PTPRO: variants seen among roughly 807,000 people sequenced by gnomAD.
PTPRO encodes the protein protein tyrosine phosphatase receptor type O.
PTPRO carries 62 observed loss-of-function variants against 145.2 expected under a neutral mutation model. That is an observed-to-expected ratio of 0.43 (90% confidence interval 0.35 to 0.53). The LOEUF (loss-of-function observed/expected upper bound fraction) is 0.53. Ranked by LOEUF, PTPRO falls within the 20% of genes least tolerant of loss-of-function variation. PTPRO has a pLI of 0.01. For synonymous variants in PTPRO, 565 were observed against 514.7 expected (o/e 1.10, Z -1.32); for missense variants, 1,345 against 1,482.7 (o/e 0.91, Z 1.53).
chr12:15,586,018 G>A (rs758006695), intron 23 of PTPRO, among the ~76,000 whole-genome samples: 2 of 152,152 alleles, frequency 1.3e-5, no homozygotes, highest in Admixed American at 1.3e-4. Context: ...GCTGGATGAC[G>A]GTGAGTGATG....
At chr12:15,514,749 T>C (rs1234135903) in intron 7 of PTPRO, among the ~76,000 whole-genome samples, 1 of 151,900 alleles carries the variant, frequency 6.6e-6, no homozygotes, top group African/African-American at 2.4e-5. Context: ...TATTTATTTA[T>C]TTATTTTATT....
At chr12:15,441,283 A>T (rs892768543) in intron 1 of PTPRO, among the ~76,000 whole-genome samples, 2 of 152,258 alleles carry the variant, frequency 1.3e-5, no homozygotes, top group African/African-American at 4.8e-5. Flanking sequence ...TCAAGGCAGA[A>T]ATTTAAAAAT....
chr12:15,416,783 T>C (rs912974208), intron 1 of PTPRO, among the ~76,000 whole-genome samples: 1 of 151,194 alleles, frequency 6.6e-6, no homozygotes, highest in African/African-American at 2.5e-5. Context: ...TTGTGCAGTT[T>C]TTTTTCTCTA....
At chr12:15,413,858 C>CT (rs1939870651) in intron 1 of PTPRO, among the ~76,000 whole-genome samples, 1 of 151,952 alleles carries the variant, frequency 6.6e-6, no homozygotes, top group South Asian at 2.1e-4. Flanking sequence ...AAGATTGAGA[C>CT]TTTTTTAAGG....
At chr12:15,405,439 AATCAGAAACTCTAATTG>A (rs1169448492) in intron 1 of PTPRO, among the ~76,000 whole-genome samples, 3 of 152,310 alleles carry the variant, frequency 2.0e-5, no homozygotes, top group South Asian at 2.1e-4. Flanking sequence ...ATCTCATATT[AATCAGAAACTCTAATTG>A]ATCAGAAACT....
At chr12:15,495,157 C>T (rs533271571) in intron 2 of PTPRO, among the ~76,000 whole-genome samples, 23 of 151,782 alleles carry the variant, frequency 1.5e-4, no homozygotes, top group African/African-American at 5.3e-4. Flanking sequence ...AAAATTCAAA[C>T]CTTTTAACCA....
chr12:15,379,439 G>A (rs907079973), intron 1 of PTPRO, among the ~76,000 whole-genome samples: 3 of 148,904 alleles, frequency 2.0e-5, no homozygotes, highest in African/African-American at 7.4e-5. Flanking sequence ...GCTGAAGCAG[G>A]AGAACGGCTT....
chr12:15,590,599 T>C (rs1445151680), intron 25 of PTPRO, among the ~76,000 whole-genome samples: 1 of 152,166 alleles, frequency 6.6e-6, no homozygotes, highest in Non-Finnish European at 1.5e-5. Flanking sequence ...TCCCACTCCT[T>C]TTACTTTTCT....
chr12:15,464,501 CAT>C (rs1465929310), intron 1 of PTPRO, among the ~76,000 whole-genome samples: 20 of 149,836 alleles, frequency 1.3e-4, no homozygotes, highest in African/African-American at 3.4e-4. Context: ...ATTACAGGCA[CAT>C]GCCACCACGC....
intron 6 of PTPRO, among the ~76,000 whole-genome samples, chr12:15,507,118 T>A (rs897516654): frequency 1.3e-5 from 2 of 152,078 alleles, no homozygotes; most frequent in Non-Finnish European, 2.9e-5. Context: ...TGGCTTGTTA[T>A]AAAAGTTAAA....
At chr12:15,572,521 GTTTCT>G (rs1944077772) in intron 19 of PTPRO, among the ~76,000 whole-genome samples, 1 of 151,852 alleles carries the variant, frequency 6.6e-6, no homozygotes, top group Admixed American at 6.6e-5. Context: ...ATTTTCCTCT[GTTTCT>G]TTTATTTTCA....
chr12:15,375,243 T>A (rs939927792), intron 1 of PTPRO, among the ~76,000 whole-genome samples: 1 of 152,170 alleles, frequency 6.6e-6, no homozygotes, highest in Non-Finnish European at 1.5e-5. Context: ...CATTTTATGA[T>A]TTGCAATGTC....
chr12:15,326,980 A>C (rs1866463782), intron 1 of PTPRO, among the ~76,000 whole-genome samples: 1 of 152,232 alleles, frequency 6.6e-6, no homozygotes, highest in South Asian at 2.1e-4. Context: ...TGGTGCTAGT[A>C]TGTGGTGTTA....
At chr12:15,524,713 T>C (rs1389669150) in intron 10 of PTPRO, 101 bp from the exon 11 acceptor site, 2 of 1,302,670 alleles carry the variant, frequency 1.5e-6, no homozygotes, top group Non-Finnish European at 2.2e-6. Flanking sequence ...CTGTGAATTC[T>C]AATTCGCTAA....
chr12:15,474,299 T>C lies in PTPRO; in HGVS notation c.76-9675T>C, dbSNP rs568323650. ...CCGCAGCCCAGGAACTCGTCCTGTGTTATTCTCCTCTTTAGTGCCACCCAC... is the reference window on the plus strand; with the variant it reads ...CCGCAGCCCAGGAACTCGTCCTGTGCTATTCTCCTCTTTAGTGCCACCCAC... On this transcript the variant is annotated intron_variant, in intron 1 of 26. Coordinates refer to ENST00000281171, the MANE Select transcript of PTPRO (RefSeq NM_030667.3). Among the ~76,000 whole-genome samples the C allele has an allele frequency of 3.6e-4, 55 of 152,276 alleles. No homozygotes were observed. In the South Asian group the frequency reaches 0.011, roughly 30 times the overall value.
At chr12:15,475,848 A>G (rs146417722) in intron 1 of PTPRO, among the ~76,000 whole-genome samples, 134 of 152,292 alleles carry the variant, frequency 8.8e-4, no homozygotes, top group African/African-American at 3.2e-3. Flanking sequence ...CTTAATTTGT[A>G]TCGACTAGAT....
chr12:15,441,190 T>C (rs1038215504), intron 1 of PTPRO, among the ~76,000 whole-genome samples: 1 of 152,132 alleles, frequency 6.6e-6, no homozygotes, highest in African/African-American at 2.4e-5. Context: ...TAGAAATCAA[T>C]ACCAAGAAAA....
At chr12:15,441,341 G>T (rs1940758834) in intron 1 of PTPRO, among the ~76,000 whole-genome samples, 1 of 152,104 alleles carries the variant, frequency 6.6e-6, no homozygotes, top group Non-Finnish European at 1.5e-5. Flanking sequence ...AAATCTCTGG[G>T]ATTCAGCAAA....
At chr12:15,553,816 C>G (rs1943540068) in intron 15 of PTPRO, among the ~76,000 whole-genome samples, 1 of 152,114 alleles carries the variant, frequency 6.6e-6, no homozygotes, top group Admixed American at 6.5e-5. Flanking sequence ...TAGTTCAGTC[C>G]AGAGCAGCAA....
Sources: allele counts gnomAD v4.1 joint callset (sites outside exome capture counted in the v4.1 genomes callset), GRCh38; gene constraint gnomAD v4.1.1; transcripts MANE v1.5; gene names NCBI Gene and HGNC (gene_info 2026-07-23, HGNC 2026-07-21).